The following KLHL1 variants were observed in gnomAD, a reference collection of about 807,000 sequenced individuals.
KLHL1 encodes the protein kelch like family member 1.
KLHL1 carries 47 observed loss-of-function variants against 77.7 expected under a neutral mutation model. The observed-to-expected ratio is 0.60, with a 90% CI of 0.48 to 0.77. The LOEUF (loss-of-function observed/expected upper bound fraction) is 0.77. Among genes scored for constraint, KLHL1 ranks in the 30% least tolerant of loss-of-function variants. The probability of loss-of-function intolerance (pLI) is 0.00; values close to 1 mark genes in which losing one functional copy is unlikely to be tolerated. For missense variants in KLHL1, 925 were observed against 910.8 expected (o/e 1.02, Z -0.20); for synonymous variants, 360 against 325.2 (o/e 1.11, Z -1.15).
At chr13:69,774,270 T>C (rs1213743196) in intron 7 of KLHL1, among the ~76,000 whole-genome samples, 1 of 151,958 alleles carries the variant, frequency 6.6e-6, no homozygotes, top group Non-Finnish European at 1.5e-5. Flanking sequence ...TTCAAAAGGT[T>C]TTAATAAAAT....
intron 3 of KLHL1, among the ~76,000 whole-genome samples, chr13:69,941,545 A>G (rs765380677): frequency 6.6e-6 from 1 of 152,104 alleles, no homozygotes; most frequent in Non-Finnish European, 1.5e-5. Context: ...TCACACCTCA[A>G]GGAACTAGAG....
Position 70,086,505 on chromosome 13 carries a change from G to A in KLHL1, c.497+20698C>T, listed in dbSNP as rs550608815. 1.3e-3 allele frequency among the ~76,000 whole-genome samples: 193 copies of A among 144,734 alleles called. 1 individual carries two copies. The highest frequency in any genetic ancestry group is 1.6e-3 in the Non-Finnish European group (109 of 66,692). 95.0% of individuals were successfully genotyped at this position (144,734 alleles called of 152,430 possible). A position where few individuals can be genotyped will look rare whatever the true frequency, so the allele number is the denominator to read the frequency against. On this transcript the variant is annotated intron_variant, in intron 1 of 10. Coordinates refer to ENST00000377844, the MANE Select transcript of KLHL1 (RefSeq NM_020866.3). ...TTGAGGCAGGAGAATCTCTTTAGGC[G>A]GAGGTTGTATTGAACCAAGATCCTG... is the stretch of plus-strand genomic sequence containing the variant.
intron 1 of KLHL1, among the ~76,000 whole-genome samples, chr13:70,006,063 A>G (rs1462429009): frequency 1.3e-5 from 2 of 151,968 alleles, no homozygotes; most frequent in African/African-American, 4.8e-5. Context: ...CTTCGCTATT[A>G]TGAGTTTGAC....
chr13:69,815,480 G>C (rs192777627), intron 6 of KLHL1, among the ~76,000 whole-genome samples: 23 of 152,208 alleles, frequency 1.5e-4, no homozygotes, highest in Middle Eastern at 3.4e-3. Flanking sequence ...ACATGTTCTC[G>C]CTTATATGTG....
chr13:70,026,225 A>T (rs1885936234), intron 1 of KLHL1, among the ~76,000 whole-genome samples: 1 of 152,106 alleles, frequency 6.6e-6, no homozygotes, highest in Non-Finnish European at 1.5e-5. Context: ...ACAAATCACT[A>T]TTGCTTCATC....
chr13:69,899,704 C>T (rs1056267456), intron 4 of KLHL1, among the ~76,000 whole-genome samples: 2 of 151,820 alleles, frequency 1.3e-5, no homozygotes, highest in African/African-American at 4.8e-5. Context: ...GTTGAGATGC[C>T]GGAAAGGAAC....
At chr13:69,885,122 A>G (rs1350721078) in intron 4 of KLHL1, among the ~76,000 whole-genome samples, 1 of 141,064 alleles carries the variant, frequency 7.1e-6, no homozygotes, top group Non-Finnish European at 1.5e-5. Flanking sequence ...TTGTATTTTT[A>G]GTAGAGACGG....
intron 7 of KLHL1, among the ~76,000 whole-genome samples, chr13:69,784,317 C>G (rs1876396074): frequency 6.7e-6 from 1 of 148,176 alleles, no homozygotes; most frequent in African/African-American, 2.7e-5. Flanking sequence ...ATGACAGGAC[C>G]AAACTCACAC....
chr13:69,715,477 T>C (rs890965147), intron 9 of KLHL1, among the ~76,000 whole-genome samples: 6 of 151,700 alleles, frequency 4.0e-5, no homozygotes, highest in Non-Finnish European at 1.5e-5. Context: ...GAGTCAATTA[T>C]ACCTCTTTTC....
chr13:69,741,642 TCAGA>T (rs1353259128), intron 7 of KLHL1, among the ~76,000 whole-genome samples: 1 of 152,154 alleles, frequency 6.6e-6, no homozygotes, highest in Non-Finnish European at 1.5e-5. Flanking sequence ...TGATCAAACT[TCAGA>T]CAGTTTTGTC....
intron 1 of KLHL1, among the ~76,000 whole-genome samples, chr13:70,101,845 T>C (rs1355284524): frequency 6.6e-6 from 1 of 151,894 alleles, no homozygotes; most frequent in Non-Finnish European, 1.5e-5. Context: ...TATAAATTCA[T>C]CCTAACATAG....
At chr13:69,745,775 TAAA>T (rs1290385775) in intron 7 of KLHL1, among the ~76,000 whole-genome samples, 5 of 152,024 alleles carry the variant, frequency 3.3e-5, no homozygotes, top group Admixed American at 1.3e-4. Flanking sequence ...TTCTAAATTT[TAAA>T]AAATTGTAAA....
chr13:70,018,618 G>A (rs1239605278), intron 1 of KLHL1, among the ~76,000 whole-genome samples: 1 of 152,188 alleles, frequency 6.6e-6, no homozygotes, highest in Non-Finnish European at 1.5e-5. Context: ...GAAACAGATT[G>A]GAAAAATACA....
At chr13:69,959,167 G>C in intron 3 of KLHL1, among the ~76,000 whole-genome samples, 1 of 152,078 alleles carries the variant, frequency 6.6e-6, no homozygotes, top group Admixed American at 6.6e-5. Flanking sequence ...AGCCAAATCT[G>C]GGTCATTATT....
chr13:70,022,091 T>A (rs1471508772), intron 1 of KLHL1, among the ~76,000 whole-genome samples: 1 of 152,030 alleles, frequency 6.6e-6, no homozygotes, highest in Non-Finnish European at 1.5e-5. Flanking sequence ...TTTTTTCTTC[T>A]AGGAGATTTC....
At chr13:69,969,291 G>T (rs1458923460) in intron 2 of KLHL1, among the ~76,000 whole-genome samples, 1 of 151,954 alleles carries the variant, frequency 6.6e-6, no homozygotes, top group Non-Finnish European at 1.5e-5. Flanking sequence ...CATATTTAAA[G>T]TTCTCACTTT....
At chr13:69,934,968 ATATATATATATATATATATATG>A (rs201347400) in intron 4 of KLHL1, among the ~76,000 whole-genome samples, 5,859 of 59,432 alleles carry the variant, frequency 0.099, 307 homozygotes, top group African/African-American at 0.18. Flanking sequence ...ATGTGTATAT[ATATATATATATATATATATATG>A]TATATATATA....
At chr13:69,979,988 A>G (rs1413782209) in intron 1 of KLHL1, among the ~76,000 whole-genome samples, 1 of 152,148 alleles carries the variant, frequency 6.6e-6, no homozygotes, top group Non-Finnish European at 1.5e-5. Context: ...ATAACTACCC[A>G]TCTAACGGAA....
rs148912820 is a variant in KLHL1, at chr13:70,107,380, G to A, written c.320C>T (p.Ala107Val). ...LPVATRLQQG[A>V]PGQGTQQPAR... ...TGGCTGCTGAGTGCCCTGCCCAGGA[G>A]CCCCTTGCTGCAGCCTCGTGGCAAC... The change falls in exon 1 of 11, where the codon GCT becomes GTT. Residue 107 changes from alanine (A) to valine (V), a missense_variant. Physicochemically the swap from Ala to Val is moderately conservative, Grantham distance 64. Transcript: ENST00000377844. The A allele has an allele frequency of 1.2e-6, 2 of 1,614,086 alleles. No homozygotes were observed. Among genetic ancestry groups the A allele is most frequent in the Non-Finnish European group, 1.7e-6 (2 of 1,180,040 alleles).
Sources: allele counts gnomAD v4.1 joint callset (sites outside exome capture counted in the v4.1 genomes callset), GRCh38; gene constraint gnomAD v4.1.1; transcripts MANE v1.5; gene names NCBI Gene and HGNC (gene_info 2026-07-23, HGNC 2026-07-21).